SS18L1: variants seen among roughly 807,000 people sequenced by gnomAD.
The protein encoded by SS18L1 is SS18L1 subunit of BAF chromatin remodeling complex, also known as calcium-responsive transactivator.
In SS18L1, 32 loss-of-function variants were observed where a neutral mutation model predicts 70.3. The observed-to-expected ratio is 0.46, with a 90% CI of 0.34 to 0.61. The LOEUF is 0.61. Ranked by LOEUF, SS18L1 falls within the 20% of genes least tolerant of loss-of-function variation. The pLI, the probability that SS18L1 is intolerant of heterozygous loss-of-function variation, is 0.01. For synonymous variants in SS18L1, 237 were observed against 229.7 expected (o/e 1.03, Z -0.29); for missense variants, 430 against 542.1 (o/e 0.79, Z 2.05).
rs1159238752 is a variant in SS18L1 at position 62,167,040 on chromosome 20, T to TG, written c.916+1526_916+1527insG. On this transcript the variant is annotated intron_variant, in intron 8 of 10. Transcript: ENST00000331758. ...GGATTGCTTGAGCTCAGGAGTTTGT[T>TG]TGTTTTTTTTTTTTTTTTTTTTTGA... is the stretch of plus-strand genomic sequence containing the variant. 5.8e-3 allele frequency among the ~76,000 whole-genome samples: 767 copies of TG among 132,114 alleles called. 13 individuals carry two copies. Among genetic ancestry groups the TG allele is most frequent in the African/African-American group, 0.025 (718 of 29,082 alleles). The allele number at this position is 132,114 out of a possible 152,430, so 86.7% of individuals were successfully genotyped here.
chr20:62,161,570 G>A lies in SS18L1; in HGVS notation c.366G>A (p.Gln122=), dbSNP rs1266625270. 3 of 1,608,780 alleles carry A rather than the reference G, an allele frequency of 1.9e-6. No homozygotes were observed. In the African/African-American group the frequency reaches 4.0e-5, roughly 21 times the overall value. Residue 122 remains glutamine (Q), a synonymous_variant, in exon 4 of 11, where the codon CAG becomes CAA. Coordinates refer to ENST00000331758, the MANE Select transcript of SS18L1 (RefSeq NM_198935.3). This position sits in a 1 kb window ranked among gnomAD's most constrained non-coding sequence, Gnocchi z 4.4. ...GLPPSSLLQG[Q]IGNGPSHVSM... is the part of the protein sequence containing the mutation. ...CACCCTCCTCCCTCCTGCAGGGCCAGATTGGCAACGGTGAGTGCGGCGGGG... is the reference window on the plus strand; with the variant it reads ...CACCCTCCTCCCTCCTGCAGGGCCAAATTGGCAACGGTGAGTGCGGCGGGG...
chr20:62,182,392 C>T lies in SS18L1; in HGVS notation c.*3184C>T, dbSNP rs1339744617. 1.1e-5 allele frequency: 2 copies of T among 175,334 alleles called. No individual in the cohort carries two copies. The highest frequency in any genetic ancestry group is 2.3e-5 in the Non-Finnish European group (2 of 88,422). The allele number at this position is 175,334 out of a possible 1,614,324, so 10.9% of individuals were successfully genotyped here. ...TGAGTACAGTACATTTAAAAAACAT[C>T]CTTATCGGTTATTTTTTTTTCAGTC... On this transcript the variant is annotated 3_prime_UTR_variant, in exon 11 of 11. Coordinates refer to ENST00000331758, the MANE Select transcript of SS18L1 (RefSeq NM_198935.3).
In SS18L1 at chr20:62,174,010, C is replaced by A. The variant is rs1211683353; in HGVS notation, c.1037-507C>A. ...GCCTGGCTTGGGTGACAGAGTGACA[C>A]CCTGCCTAAAAAAAAAAAAAAAAAT... is the stretch of plus-strand genomic sequence containing the variant. On this transcript the variant is annotated intron_variant, in intron 9 of 10. Transcript: ENST00000331758. The surrounding 1 kb of genome is among the most constrained non-coding windows in gnomAD (Gnocchi z 4.1). Among the ~76,000 whole-genome samples the A allele has an allele frequency of 2.7e-5, 4 of 149,760 alleles. No individual in the cohort carries two copies. Among genetic ancestry groups the A allele is most frequent in the African/African-American group, 9.9e-5 (4 of 40,598 alleles).
intron 5 of SS18L1, 71 bp downstream of exon 5, chr20:62,163,002 G>A: frequency 6.4e-7 from 1 of 1,550,864 alleles, no homozygotes. Flanking sequence ...ATGCACGTTG[G>A]ACATGTGGTC....
At chr20:62,145,172 T>A (rs1600978411) in intron 1 of SS18L1, among the ~76,000 whole-genome samples, 1 of 152,256 alleles carries the variant, frequency 6.6e-6, no homozygotes, top group Non-Finnish European at 1.5e-5. Flanking sequence ...TATGTGGCGC[T>A]TACCGTATCC....
rs1385022357 is a variant in SS18L1 at position 62,172,665 on chromosome 20, TCTC to T, written c.917-9_917-7del. ...CCAGGTGGGGAAAGTCATTTCTGTG[TCTC>T]CTCCTCCCTCCAGGAAACTCCCAGT... On this transcript the variant is annotated splice_polypyrimidine_tract_variant and intron_variant, in intron 8 of 10. Transcript: ENST00000331758. The T allele has an allele frequency of 3.1e-6, 5 of 1,614,072 alleles. No homozygotes were observed. Among genetic ancestry groups the T allele is most frequent in the Admixed American group, 1.7e-5 (1 of 60,006 alleles).
intron 1 of SS18L1, among the ~76,000 whole-genome samples, chr20:62,151,097 C>T (rs961297015): frequency 1.3e-5 from 2 of 152,178 alleles, no homozygotes; most frequent in Admixed American, 6.5e-5. Context: ...TTCCAGGGCC[C>T]CACACAGGTT....
intron 8 of SS18L1, among the ~76,000 whole-genome samples, chr20:62,165,949 G>A (rs955488445): frequency 3.9e-5 from 6 of 152,236 alleles, no homozygotes; most frequent in African/African-American, 9.6e-5. Context: ...GTGGCCTCGC[G>A]TTTCTTCAGA....
intron 8 of SS18L1, among the ~76,000 whole-genome samples, chr20:62,168,690 T>C (rs2057477484): frequency 6.6e-6 from 1 of 152,148 alleles, no homozygotes; most frequent in Admixed American, 6.5e-5. Flanking sequence ...GGCATGCGCC[T>C]GTTGTCCCAG....
Position 62,147,763 on chromosome 20 carries a change from G to A in SS18L1, c.69+3874G>A, listed in dbSNP as rs906248063. On this transcript the variant is annotated intron_variant, in intron 1 of 10. Transcript: ENST00000331758. ...TGGGAAGACAAGACCTTCGTGGGGT[G>A]GGTTAGTGCCGTGCCCAGGGTCCGA... 2.7e-4 allele frequency among the ~76,000 whole-genome samples: 41 copies of A among 152,176 alleles called. 1 individual carries two copies. Among genetic ancestry groups the A allele is most frequent in the Non-Finnish European group, 1.5e-4 (10 of 67,980 alleles).
intron 1 of SS18L1, among the ~76,000 whole-genome samples, chr20:62,156,573 CGGA>C (rs1568743568): frequency 6.6e-6 from 1 of 152,224 alleles, no homozygotes; most frequent in Non-Finnish European, 1.5e-5. Context: ...TGGAGACCGG[CGGA>C]GGAGGAAGCT....
In SS18L1 at chr20:62,143,849, C is replaced by T; in HGVS notation, c.29C>T (p.Pro10Leu). The change falls in exon 1 of 11, where the codon CCA becomes CTA. Residue 10 changes from proline to leucine, a missense_variant. Physicochemically the swap from Pro to Leu is moderately conservative, Grantham distance 98. Coordinates refer to ENST00000331758, the MANE Select transcript of SS18L1 (RefSeq NM_198935.3). Reference sequence around the variant, plus strand: ...TCCGTGGCCTTCGCGTCTGCCCGGCCAAGAGGCAAAGGGGAGGTTACGCAG... The same window carrying T: ...TCCGTGGCCTTCGCGTCTGCCCGGCTAAGAGGCAAAGGGGAGGTTACGCAG... MSVAFASAR[P>L]RGKGEVTQQT... 3 of 1,323,990 alleles carry T rather than the reference C, an allele frequency of 2.3e-6. No homozygotes were observed. The highest frequency in any genetic ancestry group is 3.0e-6 in the Non-Finnish European group (3 of 1,006,292). 82.0% of individuals were successfully genotyped at this position (1,323,990 alleles called of 1,614,324 possible).
chr20:62,150,000 G>A (rs1376045296), intron 1 of SS18L1, among the ~76,000 whole-genome samples: 1 of 152,248 alleles, frequency 6.6e-6, no homozygotes, highest in Non-Finnish European at 1.5e-5. Flanking sequence ...GAGACTGGAA[G>A]TGATTGCCAA....
intron 1 of SS18L1, among the ~76,000 whole-genome samples, chr20:62,150,419 G>A (rs2057105725): frequency 6.6e-6 from 1 of 152,200 alleles, no homozygotes; most frequent in Non-Finnish European, 1.5e-5. Flanking sequence ...TGCTCGACCA[G>A]CTCTCCGGTT....
At chr20:62,160,917 G>A (rs1037149722) in intron 3 of SS18L1, among the ~76,000 whole-genome samples, 1 of 151,880 alleles carries the variant, frequency 6.6e-6, no homozygotes, top group East Asian at 1.9e-4. Flanking sequence ...AGTGCTGAGG[G>A]CCACTTCACA....
rs1424238266 is a variant in SS18L1 at position 62,180,293 on chromosome 20, G to A, written c.*1085G>A. ...AAAGGTTTTATATAGAGAAACTTGA[G>A]TAATTTTTACATTTCTAAGACATTA... On this transcript the variant is annotated 3_prime_UTR_variant, in exon 11 of 11. Coordinates refer to ENST00000331758, the MANE Select transcript of SS18L1 (RefSeq NM_198935.3). 5.2e-6 allele frequency: 1 copy of A among 191,584 alleles called. No homozygotes were observed. Among genetic ancestry groups the A allele is most frequent in the Non-Finnish European group, 1.1e-5 (1 of 91,664 alleles). 11.9% of individuals were successfully genotyped at this position (191,584 alleles called of 1,614,324 possible).
intron 1 of SS18L1, among the ~76,000 whole-genome samples, chr20:62,149,829 C>T (rs2057095527): frequency 6.6e-6 from 1 of 152,182 alleles, no homozygotes; most frequent in South Asian, 2.1e-4. Flanking sequence ...CATCGCAAGT[C>T]CAGGGTCATG....
chr20:62,163,312 G>A (rs1292906977), intron 5 of SS18L1, 146 bp from the exon 6 acceptor site: 8 of 1,222,246 alleles, frequency 6.5e-6, no homozygotes, highest in Middle Eastern at 2.7e-4. Context: ...ACGTAGGGGA[G>A]GCGTGCCTTG....
intron 1 of SS18L1, chr20:62,154,248 G>T: frequency 7.8e-6 from 7 of 898,230 alleles, no homozygotes; most frequent in Non-Finnish European, 9.5e-6. Context: ...AGAACCACTT[G>T]TTCATCTTCC....
Sources: allele counts gnomAD v4.1 joint callset (sites outside exome capture counted in the v4.1 genomes callset), GRCh38; gene constraint gnomAD v4.1.1; non-coding constraint Gnocchi (gnomAD v3.1); transcripts MANE v1.5; gene names NCBI Gene and HGNC (gene_info 2026-07-23, HGNC 2026-07-21).